Variants in BIRC6 observed in about 807,000 individuals in gnomAD.
The protein encoded by BIRC6 is dual E2 ubiquitin-conjugating enzyme/E3 ubiquitin-protein ligase BIRC6.
A neutral mutation model predicts 503.3 loss-of-function variants in BIRC6; 98 were observed. That is an observed-to-expected ratio of 0.19 (90% CI 0.17 to 0.23). The LOEUF (loss-of-function observed/expected upper bound fraction) is 0.23, where lower values mean the gene tolerates loss of function less well. Ranked by LOEUF, BIRC6 falls within the 10% of genes least tolerant of loss-of-function variation. The pLI is 1.00. For missense variants in BIRC6, 5,360 were observed against 5,806.0 expected (o/e 0.92, Z 2.50); for synonymous variants, 2,240 against 2,078.7 (o/e 1.08, Z -2.11).
At chr2:32,495,907 G>A (rs958081633) in intron 45 of BIRC6, among the ~76,000 whole-genome samples, 29 of 149,020 alleles carry the variant, frequency 1.9e-4, no homozygotes, top group African/African-American at 6.9e-4. Flanking sequence ...GTACGATCTC[G>A]GCTCACTGCA....
intron 61 of BIRC6, among the ~76,000 whole-genome samples, chr2:32,540,574 A>T (rs748611429): frequency 6.6e-6 from 1 of 152,074 alleles, no homozygotes; most frequent in Non-Finnish European, 1.5e-5. Flanking sequence ...ATGTGAAATA[A>T]TACAAGTGAA....
intron 66 of BIRC6, among the ~76,000 whole-genome samples, chr2:32,582,249 G>A (rs1311831078): frequency 2.6e-5 from 4 of 152,120 alleles, no homozygotes; most frequent in South Asian, 2.1e-4. Context: ...TGGCTCTTGT[G>A]TATAATCCCA....
Position 32,415,894 on chromosome 2 carries a change from A to G in BIRC6, c.2603A>G (p.Asp868Gly), listed in dbSNP as rs768026317. The G allele has an allele frequency of 8.2e-5, 132 of 1,613,896 alleles. No homozygotes were observed. Among genetic ancestry groups the G allele is most frequent in the Non-Finnish European group, 1.1e-4 (131 of 1,179,892 alleles). Residue 868 changes from aspartate (D) to glycine (G), a missense_variant, in exon 10 of 74, where the codon GAT becomes GGT. Physicochemically the swap from Asp to Gly is moderately conservative, Grantham distance 94. Coordinates refer to ENST00000421745, the MANE Select transcript of BIRC6 (RefSeq NM_016252.4). Reference sequence around the variant, plus strand: ...ATTTTGCTTCCACCCGATATATTGGATAATCGAGAGGATGACTGTGAGGAA... The same window carrying G: ...ATTTTGCTTCCACCCGATATATTGGGTAATCGAGAGGATGACTGTGAGGAA... ...SLILLPPDIL[D>G]NREDDCEEPI...
intron 1 of BIRC6, among the ~76,000 whole-genome samples, chr2:32,377,082 A>G (rs532336011): frequency 1.1e-4 from 17 of 152,268 alleles, no homozygotes; most frequent in Non-Finnish European, 2.1e-4. Flanking sequence ...TTGTTTTTGA[A>G]CACTTTCATT....
intron 45 of BIRC6, among the ~76,000 whole-genome samples, chr2:32,498,266 G>A (rs1189154221): frequency 6.6e-6 from 1 of 152,050 alleles, no homozygotes; most frequent in East Asian, 1.9e-4. Flanking sequence ...AGTTTCACCA[G>A]GTTGGCCAGG....
At position 32,448,519 on chromosome 2, in the gene BIRC6, C is replaced by T. The variant is rs555051855; in HGVS notation, c.4485-276C>T. Among the ~76,000 whole-genome samples, 653 of 152,178 alleles carry T rather than the reference C, an allele frequency of 4.3e-3. 11 individuals carry two copies. The highest frequency in any genetic ancestry group is 0.015 in the African/African-American group (615 of 41,526). On this transcript the variant is annotated intron_variant, in intron 21 of 73. Coordinates refer to ENST00000421745, the MANE Select transcript of BIRC6 (RefSeq NM_016252.4). Reference sequence around the variant, plus strand: ...ACCGAAAACCAGTCAGGCGTGGCGACGCGCGCCTGCAATGGCAGGCACTCG... The same window carrying T: ...ACCGAAAACCAGTCAGGCGTGGCGATGCGCGCCTGCAATGGCAGGCACTCG...
intron 62 of BIRC6, 41 bp from the exon 63 acceptor site, chr2:32,545,602 A>T: frequency 2.0e-6 from 3 of 1,511,362 alleles, no homozygotes; most frequent in East Asian, 4.5e-5. Context: ...ATGTGTTTTT[A>T]ACTGTTTTTA....
chr2:32,539,829 A>G (rs1471195716), intron 61 of BIRC6, among the ~76,000 whole-genome samples: 1 of 152,098 alleles, frequency 6.6e-6, no homozygotes, highest in Non-Finnish European at 1.5e-5. Context: ...AATATAAAAC[A>G]AAAAAATCAA....
Position 32,575,269 on chromosome 2 carries a change from G to A in BIRC6, c.13258G>A (p.Gly4420Ser), listed in dbSNP as rs747619084. 34 of 1,613,808 alleles carry A rather than the reference G, an allele frequency of 2.1e-5. No homozygotes were observed. The highest frequency in any genetic ancestry group is 8.3e-5 in the Admixed American group (5 of 60,000). ...ATTGTTGCCCCTTTCTACAGAGAACGGTGAAGAGGAAGAAGAACAGTCAGA... is the reference window on the plus strand; with the variant it reads ...ATTGTTGCCCCTTTCTACAGAGAACAGTGAAGAGGAAGAAGAACAGTCAGA... Reference protein sequence around the residue: ...PLLLPLSTENGEEEEEQSECQ... With the variant: ...PLLLPLSTENSEEEEEQSECQ... Residue 4420 changes from glycine to serine, a missense_variant, in exon 66 of 74, where the codon GGT (glycine) becomes AGT (serine). Coordinates refer to ENST00000421745, the MANE Select transcript of BIRC6 (RefSeq NM_016252.4).
At chr2:32,473,725 GTGTGTGTGTGTGTGTGTGTGTGTGTATT>G (rs2049362786) in intron 33 of BIRC6, among the ~76,000 whole-genome samples, 3 of 135,372 alleles carry the variant, frequency 2.2e-5, no homozygotes, top group African/African-American at 8.4e-5. Flanking sequence ...GTGTGTGTGT[GTGTGTGTGTGTGTGTGTGTGTGTGTATT>G]TTTTTTTTTT....
chr2:32,445,757 G>A (rs1278451076), intron 21 of BIRC6, 89 bp downstream of exon 21: 1 of 946,248 alleles, frequency 1.1e-6, no homozygotes, highest in African/African-American at 1.7e-5. Flanking sequence ...TATATATGCT[G>A]ATAACAGTCT....
chr2:32,409,870 T>G (rs944189488), intron 9 of BIRC6, among the ~76,000 whole-genome samples: 3 of 152,202 alleles, frequency 2.0e-5, no homozygotes, highest in African/African-American at 7.2e-5. Context: ...ATAGGTAGAG[T>G]TGACAAGTTC....
At chr2:32,447,743 G>A (rs2046225611) in intron 21 of BIRC6, among the ~76,000 whole-genome samples, 1 of 41,402 alleles carries the variant, frequency 2.4e-5, no homozygotes, top group African/African-American at 1.2e-4. Context: ...GCGACTGGCC[G>A]GGCAGAGGGG....
rs926921098 is a variant in BIRC6, at chr2:32,511,019, T to C, written c.10346+385T>C. Among the ~76,000 whole-genome samples, 3 of 152,170 alleles carry C rather than the reference T, an allele frequency of 2.0e-5. No individual in the cohort carries two copies. The East Asian group carries it at 5.8e-4, about 29-fold the overall frequency. ...GAATGTAGGGATATTGTGTCTGTAG[T>C]TGGTACTTCAACTGTTTTTATAATG... On this transcript the variant is annotated intron_variant, in intron 53 of 73. Transcript: ENST00000421745.
Position 32,569,956 on chromosome 2 carries a change from C to T in BIRC6, c.13145-5200C>T, listed in dbSNP as rs72858106. Among the ~76,000 whole-genome samples, 1,334 of 151,660 alleles carry T rather than the reference C, an allele frequency of 8.8e-3. 16 individuals carry two copies. Among genetic ancestry groups the T allele is most frequent in the African/African-American group, 0.031 (1,270 of 41,300 alleles). On this transcript the variant is annotated intron_variant, in intron 65 of 73. Transcript: ENST00000421745. ...GATTACTCTGGCAAGATGTCCAGTA[C>T]GATGTTGAATAAGAGTGGTGAAAAT...
At chr2:32,596,679 T>G (rs972514575) in intron 68 of BIRC6, among the ~76,000 whole-genome samples, 1 of 152,152 alleles carries the variant, frequency 6.6e-6, no homozygotes, top group African/African-American at 2.4e-5. Flanking sequence ...CTGTTGGACA[T>G]AAATATTTTA....
In BIRC6 at chr2:32,450,704, C is replaced by G. The variant is rs149700416; in HGVS notation, c.4618+1776C>G. ...CTCTCTATCCGTGGGGAATTGGTTC[C>G]AGGACTCCTCGCAGACAACAAAATC... On this transcript the variant is annotated intron_variant, in intron 22 of 73. Coordinates refer to ENST00000421745, the MANE Select transcript of BIRC6 (RefSeq NM_016252.4). Among the ~76,000 whole-genome samples, 1,199 of 152,260 alleles carry G rather than the reference C, an allele frequency of 7.9e-3. 8 individuals are homozygous for G. Among genetic ancestry groups the G allele is most frequent in the Middle Eastern group, 0.02 (6 of 294 alleles).
intron 66 of BIRC6, among the ~76,000 whole-genome samples, chr2:32,577,958 A>G (rs1171387942): frequency 6.6e-6 from 1 of 152,218 alleles, no homozygotes; most frequent in African/African-American, 2.4e-5. Context: ...AGCTCATTTC[A>G]TTAGATTATT....
intron 23 of BIRC6, among the ~76,000 whole-genome samples, chr2:32,456,087 C>T (rs1413964422): frequency 6.6e-6 from 1 of 152,172 alleles, no homozygotes; most frequent in African/African-American, 2.4e-5. Flanking sequence ...AAGAACATTT[C>T]CAGCACCCCA....
Sources: allele counts gnomAD v4.1 joint callset (sites outside exome capture counted in the v4.1 genomes callset), GRCh38; gene constraint gnomAD v4.1.1; transcripts MANE v1.5; gene names NCBI Gene and HGNC (gene_info 2026-07-23, HGNC 2026-07-21).